MGAT5B: variants seen among roughly 807,000 people sequenced by gnomAD.
The protein encoded by MGAT5B is alpha-1,6-mannosylglycoprotein 6-beta-N-acetylglucosaminyltransferase B.
MGAT5B carries 54 observed loss-of-function variants against 95.1 expected under a neutral mutation model. That is an observed-to-expected ratio of 0.57 (90% CI 0.46 to 0.71). MGAT5B has a LOEUF of 0.71. Ranked by LOEUF, MGAT5B falls within the 30% of genes least tolerant of loss-of-function variation. MGAT5B has a pLI of 0.00. For missense variants in MGAT5B, 935 were observed against 1,088.6 expected, an observed-to-expected ratio of 0.86 and a Z score of 1.99; for synonymous variants, 464 against 451.0, an observed-to-expected ratio of 1.03 and a Z score of -0.36.
chr17:76,876,364 T>G (rs1480307137), intron 2 of MGAT5B, among the ~76,000 whole-genome samples: 1 of 151,104 alleles, frequency 6.6e-6, no homozygotes, highest in Non-Finnish European at 1.5e-5. Flanking sequence ...GATTGTTGGA[T>G]AATGCACGTT....
rs1419894637 is a variant in MGAT5B at position 76,940,900 on chromosome 17, C to T, written c.1848+52C>T. Reference sequence around the variant, plus strand: ...CCCCCCACTAGTCCACACTGCTGGTCTTCACTCTGATTAGAAAACGGTGCC... The same window carrying T: ...CCCCCCACTAGTCCACACTGCTGGTTTTCACTCTGATTAGAAAACGGTGCC... On this transcript the variant is annotated intron_variant, in intron 15 of 17. Coordinates refer to ENST00000569840, the MANE Select transcript of MGAT5B (RefSeq NM_001199172.2). The surrounding 1 kb of genome is among the most constrained non-coding windows in gnomAD (Gnocchi z 4.3). 1 of 1,457,816 alleles carries T rather than the reference C, an allele frequency of 6.9e-7. No individual in the cohort carries two copies. Among genetic ancestry groups the T allele is most frequent in the Non-Finnish European group, 9.6e-7 (1 of 1,041,250 alleles). The allele number at this position is 1,457,816 out of a possible 1,614,324, so 90.3% of individuals were successfully genotyped here. A position where few individuals can be genotyped will look rare whatever the true frequency, so the allele number is the denominator to read the frequency against.
At chr17:76,911,874 C>T (rs1449765951) in intron 8 of MGAT5B, among the ~76,000 whole-genome samples, 1 of 152,152 alleles carries the variant, frequency 6.6e-6, no homozygotes, top group Admixed American at 6.5e-5. Flanking sequence ...TGAATCCTGG[C>T]GCTGGAGCGT....
At position 76,893,827 on chromosome 17, in the gene MGAT5B, C is replaced by T. The variant is rs936563858; in HGVS notation, c.330-8728C>T. Among the ~76,000 whole-genome samples, 4 of 152,240 alleles carry T rather than the reference C, an allele frequency of 2.6e-5. 1 individual carries two copies. The highest frequency in any genetic ancestry group is 3.9e-4 in the East Asian group (2 of 5,176). On this transcript the variant is annotated intron_variant, in intron 3 of 17. Coordinates refer to ENST00000569840, the MANE Select transcript of MGAT5B (RefSeq NM_001199172.2). ...AGGATGTCACTTTCTAGACTGGGGG[C>T]GGGGGGTGCCAGCCTTTTGCTCGGT... is the stretch of plus-strand genomic sequence containing the variant.
chr17:76,948,955 G>C lies in MGAT5B; in HGVS notation c.*117G>C, dbSNP rs1376570489. The C allele has an allele frequency of 8.5e-7, 1 of 1,181,970 alleles. No homozygotes were observed. The highest frequency in any genetic ancestry group is 1.5e-5 in the African/African-American group (1 of 65,488). The allele number at this position is 1,181,970 out of a possible 1,614,324, so 73.2% of individuals were successfully genotyped here. A position where few individuals can be genotyped will look rare whatever the true frequency, so the allele number is the denominator to read the frequency against. On this transcript the variant is annotated 3_prime_UTR_variant, in exon 18 of 18. Coordinates refer to ENST00000569840, the MANE Select transcript of MGAT5B (RefSeq NM_001199172.2). The stretch of plus-strand genomic sequence containing the variant: ...CTCCTCGCAACCCCCCCAGGCCGGA[G>C]CTTCCTTCCTTAGCCGGGAAGCTGG...
chr17:76,902,494 AC>A, intron 3 of MGAT5B, 60 bp from the exon 4 acceptor site: 1 of 1,278,714 alleles, frequency 7.8e-7, no homozygotes, highest in Non-Finnish European at 1.1e-6. Context: ...TACTGGCAGG[AC>A]CCTCATGGGA....
At chr17:76,895,604 G>A (rs62084715) in intron 3 of MGAT5B, among the ~76,000 whole-genome samples, 2 of 152,056 alleles carry the variant, frequency 1.3e-5, no homozygotes, top group Non-Finnish European at 2.9e-5. Context: ...CACAATTTGA[G>A]TCTTCACATG....
Position 76,914,702 on chromosome 17 carries a change from A to C in MGAT5B, c.1025+8515A>C, listed in dbSNP as rs1359560535. Among the ~76,000 whole-genome samples the C allele has an allele frequency of 4.0e-5, 6 of 151,182 alleles. No homozygotes were observed. In the East Asian group the frequency reaches 7.8e-4, roughly 20 times the overall value. On this transcript the variant is annotated intron_variant, in intron 8 of 17. Coordinates refer to ENST00000569840, the MANE Select transcript of MGAT5B (RefSeq NM_001199172.2). The surrounding 1 kb of genome is among the most constrained non-coding windows in gnomAD (Gnocchi z 5.1). ...TCCCCCAGCTGGAGCGCAGTGGCGC[A>C]GTCTCGGCTCACTGCATCCTCCACC...
chr17:76,869,133 G>A lies in MGAT5B; in HGVS notation c.68+36G>A. On this transcript the variant is annotated intron_variant, in intron 1 of 17. Coordinates refer to ENST00000569840, the MANE Select transcript of MGAT5B (RefSeq NM_001199172.2). The surrounding 1 kb of genome is among the most constrained non-coding windows in gnomAD (Gnocchi z 7.0). The stretch of plus-strand genomic sequence containing the variant: ...CTCCTGGTTGGTTTTTTCCCCAGGG[G>A]GGCGCCGGGTGGAGGTGGGCGAGGT... 4 of 1,598,298 alleles carry A rather than the reference G, an allele frequency of 2.5e-6. No individual in the cohort carries two copies. The highest frequency in any genetic ancestry group is 3.4e-6 in the Non-Finnish European group (4 of 1,165,778).
At chr17:76,911,940 G>C (rs1968751510) in intron 8 of MGAT5B, among the ~76,000 whole-genome samples, 1 of 152,210 alleles carries the variant, frequency 6.6e-6, no homozygotes, top group Non-Finnish European at 1.5e-5. Context: ...TCCTGAGGCT[G>C]CAAGGGAGTC....
Position 76,905,076 on chromosome 17 carries a change from C to T in MGAT5B, c.691-93C>T, listed in dbSNP as rs1968471020. ...GAGAAGCTGGAGCAGGCCCCAGCCT[C>T]ATGGGAGGGTGCCAGCCCCTGTCCC... On this transcript the variant is annotated intron_variant, in intron 6 of 17. Transcript: ENST00000569840. This position sits in a 1 kb window ranked among gnomAD's most constrained non-coding sequence, Gnocchi z 4.2. The T allele has an allele frequency of 3.6e-6, 5 of 1,373,928 alleles. No individual in the cohort carries two copies. Among genetic ancestry groups the T allele is most frequent in the Non-Finnish European group, 4.9e-6 (5 of 1,020,230 alleles). 85.1% of individuals were successfully genotyped at this position (1,373,928 alleles called of 1,614,324 possible).
At chr17:76,935,324 G>A (rs1299821915) in intron 12 of MGAT5B, among the ~76,000 whole-genome samples, 6 of 138,160 alleles carry the variant, frequency 4.3e-5, no homozygotes, top group African/African-American at 1.3e-4. Context: ...TTTTTGGTTC[G>A]TGTACAATTT....
At chr17:76,913,875 T>C (rs1480505197) in intron 8 of MGAT5B, 1 of 438,144 alleles carries the variant, frequency 2.3e-6, no homozygotes. Flanking sequence ...CTTTGGGAGG[T>C]CACGGCGGGA....
At chr17:76,926,475 C>T in intron 9 of MGAT5B, 122 bp from the exon 10 acceptor site, 1 of 957,254 alleles carries the variant, frequency 1.0e-6, no homozygotes, top group South Asian at 1.6e-5. Context: ...CAAGTGCTAA[C>T]ACACACTGTG....
At position 76,940,837 on chromosome 17, in the gene MGAT5B, A is replaced by G. The variant is rs776364280; in HGVS notation, c.1837A>G (p.Met613Val). ...GTTTGAAGCAGCCATCAAGGCCATT[A>G]TGAGAACTCAGGTGAGAGCAGCCAC... is the stretch of plus-strand genomic sequence containing the variant. The part of the protein sequence containing the change: ...EEFEAAIKAI[M>V]RTQVDPYLPY... Residue 613 changes from methionine to valine, a missense_variant, in exon 15 of 18, where the codon ATG becomes GTG. Physicochemically the swap from Met to Val is conservative, Grantham distance 21. This residue lies in a region of MGAT5B where 440 missense variants were observed against 523.6 expected (regional missense o/e 0.84). Transcript: ENST00000569840. This position sits in a 1 kb window ranked among gnomAD's most constrained non-coding sequence, Gnocchi z 4.3. 1 of 1,613,846 alleles carries G rather than the reference A, an allele frequency of 6.2e-7. No homozygotes were observed. The highest frequency in any genetic ancestry group is 8.5e-7 in the Non-Finnish European group (1 of 1,179,796).
rs757189294 is a variant in MGAT5B at position 76,872,932 on chromosome 17, G to T, written c.150G>T (p.Leu50=). 1.1e-5 allele frequency: 17 copies of T among 1,613,946 alleles called. No homozygotes were observed. The highest frequency in any genetic ancestry group is 1.4e-5 in the Non-Finnish European group (17 of 1,180,056). The change falls in exon 2 of 18, where the codon CTG becomes CTT. Residue 50 remains leucine, a synonymous_variant. Coordinates refer to ENST00000569840, the MANE Select transcript of MGAT5B (RefSeq NM_001199172.2). ...SLGGQFSARR[L]GDSPFTIRTE... Reference sequence around the variant, plus strand: ...GAGGCCAGTTCTCGGCCCGGCGCCTGGGGGACTCGCCATTCACCATCCGCA... The same window carrying T: ...GAGGCCAGTTCTCGGCCCGGCGCCTTGGGGACTCGCCATTCACCATCCGCA...
chr17:76,925,125 G>A (rs201901190), intron 9 of MGAT5B, 28 bp downstream of exon 9: 89 of 1,609,440 alleles, frequency 5.5e-5, no homozygotes, highest in East Asian at 2.7e-4. Flanking sequence ...GGGTGGGCAC[G>A]TGGCCCACAT....
In MGAT5B at chr17:76,926,582, C is replaced by A; in HGVS notation, c.1158-15C>A. 1 of 1,603,578 alleles carries A rather than the reference C, an allele frequency of 6.2e-7. No individual in the cohort carries two copies. The highest frequency in any genetic ancestry group is 1.1e-5 in the South Asian group (1 of 89,872). ...GAGGTTGCTGACCCTGGTTCCTGGT[C>A]CCCTGGGGGGGCAGGTGCCGAATCA... On this transcript the variant is annotated splice_polypyrimidine_tract_variant and intron_variant, in intron 9 of 17. Coordinates refer to ENST00000569840, the MANE Select transcript of MGAT5B (RefSeq NM_001199172.2).
intron 12 of MGAT5B, among the ~76,000 whole-genome samples, chr17:76,937,571 G>T (rs1323354937): frequency 1.3e-5 from 2 of 151,956 alleles, no homozygotes; most frequent in African/African-American, 4.8e-5. Context: ...ATGGATGGAT[G>T]GTGGGTAGAT....
At chr17:76,875,540 T>C (rs1967155540) in intron 2 of MGAT5B, among the ~76,000 whole-genome samples, 1 of 152,028 alleles carries the variant, frequency 6.6e-6, no homozygotes, top group Non-Finnish European at 1.5e-5. Context: ...GGTATGTCTT[T>C]AGTAGCAACG....
Sources: allele counts gnomAD v4.1 joint callset (sites outside exome capture counted in the v4.1 genomes callset), GRCh38; gene constraint gnomAD v4.1.1; regional missense constraint gnomAD v4.1.1; non-coding constraint Gnocchi (gnomAD v3.1); transcripts MANE v1.5; gene names NCBI Gene and HGNC (gene_info 2026-07-23, HGNC 2026-07-21).